Variants in IFNGR1 observed in about 807,000 individuals in gnomAD.
IFNGR1 encodes AVP, type 2.
Under a neutral mutation model 35.4 loss-of-function variants are expected in IFNGR1, and 23 were observed. The observed-to-expected ratio is 0.65, with a 90% CI of 0.47 to 0.92. IFNGR1 has a LOEUF of 0.92. Ranked by LOEUF, IFNGR1 falls within the 40% of genes least tolerant of loss-of-function variation. The probability of loss-of-function intolerance (pLI) is 0.00; values close to 1 mark genes in which losing one functional copy is unlikely to be tolerated. For missense variants in IFNGR1, 533 were observed against 583.4 expected, an observed-to-expected ratio of 0.91 and a Z score of 0.89; for synonymous variants, 199 against 209.5, an observed-to-expected ratio of 0.95 and a Z score of 0.43.
intron 6 of IFNGR1, among the ~76,000 whole-genome samples, 193 bp downstream of exon 6, chr6:137,200,688 T>TA (rs75537328): frequency 5.2e-4 from 76 of 147,248 alleles, no homozygotes; most frequent in African/African-American, 9.0e-4. Flanking sequence ...TCCCTGAGAA[T>TA]AAAAAAAAAA....
chr6:137,204,588 A>G, intron 3 of IFNGR1, 84 bp from the exon 4 acceptor site: 1 of 1,125,576 alleles, frequency 8.9e-7, no homozygotes, highest in Non-Finnish European at 1.3e-6. Flanking sequence ...GAATCTATCA[A>G]TCAACCTATT....
At chr6:137,211,891 T>C (rs1377935434) in intron 1 of IFNGR1, among the ~76,000 whole-genome samples, 4 of 151,994 alleles carry the variant, frequency 2.6e-5, no homozygotes, top group African/African-American at 9.7e-5. Flanking sequence ...AAAACAGAGG[T>C]ACTTGATGCT....
intron 5 of IFNGR1, among the ~76,000 whole-genome samples, chr6:137,202,886 CTTT>C (rs1276232666): frequency 6.6e-6 from 1 of 152,102 alleles, no homozygotes; most frequent in Non-Finnish European, 1.5e-5. Context: ...GTCCAAACTT[CTTT>C]AAGGTTCCTG....
chr6:137,202,113 G>A (rs187614359), intron 5 of IFNGR1, among the ~76,000 whole-genome samples: 203 of 152,110 alleles, frequency 1.3e-3, no homozygotes, highest in African/African-American at 4.5e-3. Flanking sequence ...CTTCTATTAC[G>A]CTTATTACAG....
In IFNGR1 at chr6:137,200,237, A is replaced by G. The variant is rs56110404; in HGVS notation, c.861+644T>C. ...AATTTTAATGTGCCCTTTGAGCATCACAGATATTATTCCTGTCATATTTGA... is the reference window on the plus strand; with the variant it reads ...AATTTTAATGTGCCCTTTGAGCATCGCAGATATTATTCCTGTCATATTTGA... On this transcript the variant is annotated intron_variant, in intron 6 of 6. Coordinates refer to ENST00000367739, the MANE Select transcript of IFNGR1 (RefSeq NM_000416.3). 0.016 allele frequency among the ~76,000 whole-genome samples: 2,487 copies of G among 152,318 alleles called. 212 individuals are homozygous for G. In the South Asian group the frequency reaches 0.26, roughly 16 times the overall value.
In IFNGR1 at chr6:137,203,648, C is replaced by A. The variant is rs765663686; in HGVS notation, c.584G>T (p.Cys195Phe). ...CGCTAACTGGCACTGAATCTCGTCACAATCATCTTCCTTCTGCGTGAGTAT... is the reference window on the plus strand; with the variant it reads ...CGCTAACTGGCACTGAATCTCGTCAAAATCATCTTCCTTCTGCGTGAGTAT... ...YKILTQKEDD[C>F]DEIQCQLAIP... Residue 195 changes from cysteine (C) to phenylalanine (F), a missense_variant, in exon 5 of 7, where the codon TGT (cysteine) becomes TTT (phenylalanine). Coordinates refer to ENST00000367739, the MANE Select transcript of IFNGR1 (RefSeq NM_000416.3). 1.2e-6 allele frequency: 2 copies of A among 1,612,398 alleles called. No individual in the cohort carries two copies. The highest frequency in any genetic ancestry group is 2.2e-5 in the East Asian group (1 of 44,802).
At chr6:137,210,381 C>G (rs1779546512) in intron 1 of IFNGR1, among the ~76,000 whole-genome samples, 1 of 151,944 alleles carries the variant, frequency 6.6e-6, no homozygotes, top group African/African-American at 2.4e-5. Context: ...GAAAACTGAA[C>G]ACACACACTT....
intron 5 of IFNGR1, among the ~76,000 whole-genome samples, chr6:137,202,427 T>C (rs894184504): frequency 1.3e-5 from 2 of 152,256 alleles, no homozygotes; most frequent in African/African-American, 4.8e-5. Flanking sequence ...TGCACTGCTT[T>C]AAATCACCTA....
Position 137,203,680 on chromosome 6 carries a change from C to A in IFNGR1, c.552G>T (p.Gln184His). 6.2e-7 allele frequency: 1 copy of A among 1,611,270 alleles called. No homozygotes were observed. The highest frequency in any genetic ancestry group is 8.5e-7 in the Non-Finnish European group (1 of 1,178,818). Reference protein sequence around the residue: ...VYVRMNGSEIQYKILTQKEDD... With the variant: ...VYVRMNGSEIHYKILTQKEDD... ...CTTCCTTCTGCGTGAGTATTTTATA[C>A]TGGATCTAGATGAAAAAAGAAAACA... The change falls in exon 5 of 7, where the codon CAG (glutamine) becomes CAT (histidine). Residue 184 changes from glutamine (Q) to histidine (H), a missense_variant. Transcript: ENST00000367739.
In IFNGR1 at chr6:137,217,976, C is replaced by T. The variant is rs17181667; in HGVS notation, c.85+1267G>A. Among the ~76,000 whole-genome samples, 1,232 of 152,344 alleles carry T rather than the reference C, an allele frequency of 8.1e-3. 18 individuals carry two copies. The highest frequency in any genetic ancestry group is 0.028 in the African/African-American group (1,180 of 41,574). ...TCTTCACTGACTTCCCTAAAAGAGACAAGCACCCCGCCTTGCTTTCCACTA... is the reference window on the plus strand; with the variant it reads ...TCTTCACTGACTTCCCTAAAAGAGATAAGCACCCCGCCTTGCTTTCCACTA... On this transcript the variant is annotated intron_variant, in intron 1 of 6. Transcript: ENST00000367739.
intron 1 of IFNGR1, among the ~76,000 whole-genome samples, chr6:137,208,135 T>C (rs907481612): frequency 6.6e-6 from 1 of 152,148 alleles, no homozygotes; most frequent in African/African-American, 2.4e-5. Context: ...AACTCTGAAC[T>C]TGAGAGAGAT....
chr6:137,198,435 C>A lies in IFNGR1; in HGVS notation c.1066G>T (p.Val356Leu). ...TCAGGAATATTTTCTTCAGTAGTCACCACTTCTGTTATACTAGAAAGTTCT... is the reference window on the plus strand; with the variant it reads ...TCAGGAATATTTTCTTCAGTAGTCAACACTTCTGTTATACTAGAAAGTTCT... The part of the protein sequence containing the change: ...TEELSSITEV[V>L]TTEENIPDVV... Residue 356 changes from valine (V) to leucine (L), a missense_variant, in exon 7 of 7, where the codon GTG (valine) becomes TTG (leucine). Transcript: ENST00000367739. 6.2e-7 allele frequency: 1 copy of A among 1,614,150 alleles called. No homozygotes were observed. The highest frequency in any genetic ancestry group is 1.6e-4 in the Middle Eastern group (1 of 6,062).
intron 1 of IFNGR1, among the ~76,000 whole-genome samples, chr6:137,209,049 G>A (rs991518918): frequency 3.9e-5 from 6 of 152,208 alleles, no homozygotes; most frequent in African/African-American, 1.4e-4. Flanking sequence ...GATCATTTCG[G>A]AGCTTTAAGA....
At chr6:137,211,845 T>G (rs1779581386) in intron 1 of IFNGR1, among the ~76,000 whole-genome samples, 1 of 152,130 alleles carries the variant, frequency 6.6e-6, no homozygotes. Flanking sequence ...TAATATCAAA[T>G]AACAATCACA....
At chr6:137,210,672 G>A (rs2114501568) in intron 1 of IFNGR1, among the ~76,000 whole-genome samples, 1 of 152,266 alleles carries the variant, frequency 6.6e-6, no homozygotes, top group Admixed American at 6.5e-5. Flanking sequence ...ATATCAAGCA[G>A]ACTGCTTAAA....
chr6:137,214,144 TCA>T (rs1237748292), intron 1 of IFNGR1, among the ~76,000 whole-genome samples: 1 of 152,184 alleles, frequency 6.6e-6, no homozygotes, highest in Non-Finnish European at 1.5e-5. Flanking sequence ...AGAACAACTC[TCA>T]GAGAAGATCT....
At chr6:137,209,361 G>T (rs1032118480) in intron 1 of IFNGR1, among the ~76,000 whole-genome samples, 1 of 152,144 alleles carries the variant, frequency 6.6e-6, no homozygotes, top group African/African-American at 2.4e-5. Context: ...GGGGCCAGGG[G>T]TAGCATAATA....
intron 6 of IFNGR1, among the ~76,000 whole-genome samples, 199 bp downstream of exon 6, chr6:137,200,682 T>C (rs1779255605): frequency 7.0e-6 from 1 of 143,628 alleles, no homozygotes; most frequent in African/African-American, 2.5e-5. Context: ...TGTTTTTCCC[T>C]GAGAATAAAA....
At chr6:137,209,384 G>A (rs139499269) in intron 1 of IFNGR1, among the ~76,000 whole-genome samples, 2 of 152,162 alleles carry the variant, frequency 1.3e-5, no homozygotes, top group African/African-American at 4.8e-5. Flanking sequence ...GTTTGGTTGT[G>A]TGTCCCCACC....
Sources: gnomAD v4.1 joint callset for allele counts (sites outside exome capture counted in the v4.1 genomes callset) on GRCh38, gnomAD v4.1.1 for gene constraint, MANE v1.5 for transcripts, NCBI Gene and HGNC (gene_info 2026-07-23, HGNC 2026-07-21) for gene names.